PPP4R1: variants seen among roughly 807,000 people sequenced by gnomAD.
PPP4R1 encodes protein phosphatase 4 regulatory subunit 1, also known as serine/threonine-protein phosphatase 4 regulatory subunit 1.
Under a neutral mutation model 111.2 loss-of-function variants are expected in PPP4R1, and 42 were observed. The ratio of observed to expected loss-of-function variants is 0.38; its 90% CI spans 0.29 to 0.49. The LOEUF (loss-of-function observed/expected upper bound fraction) is 0.49, where lower values mean the gene tolerates loss of function less well. Among genes scored for constraint, PPP4R1 ranks in the 20% least tolerant of loss-of-function variants. The pLI is 0.97. For synonymous variants in PPP4R1, 409 were observed against 405.5 expected, an observed-to-expected ratio of 1.01 and a Z score of -0.10; for missense variants, 1,012 against 1,161.6, an observed-to-expected ratio of 0.87 and a Z score of 1.87.
chr18:9,547,660 C>A lies in PPP4R1; in HGVS notation c.*129G>T. ...TGGTATTGGGTGTAGGCAACTTGCA[C>A]CTGCAATGAAGTCCGCAGGAGAGGA... On this transcript the variant is annotated 3_prime_UTR_variant, in exon 20 of 20. Transcript: ENST00000400556. 1 of 1,146,600 alleles carries A rather than the reference C, an allele frequency of 8.7e-7. No homozygotes were observed. Among genetic ancestry groups the A allele is most frequent in the East Asian group, 2.4e-5 (1 of 42,264 alleles). The allele number at this position is 1,146,600 out of a possible 1,614,324, so 71.0% of individuals were successfully genotyped here.
intron 2 of PPP4R1, among the ~76,000 whole-genome samples, chr18:9,595,934 T>G (rs1198950408): frequency 6.6e-6 from 1 of 152,194 alleles, no homozygotes; most frequent in Non-Finnish European, 1.5e-5. Flanking sequence ...GCCCACTGAA[T>G]TTGGTACTTT....
chr18:9,590,555 A>G (rs2067193865), intron 4 of PPP4R1, among the ~76,000 whole-genome samples: 1 of 152,220 alleles, frequency 6.6e-6, no homozygotes, highest in Non-Finnish European at 1.5e-5. Context: ...AGCCCCGCTT[A>G]GGCAAATAGA....
intron 13 of PPP4R1, among the ~76,000 whole-genome samples, chr18:9,561,426 G>A (rs2066675389): frequency 1.3e-5 from 2 of 152,024 alleles, no homozygotes; most frequent in African/African-American, 4.8e-5. Context: ...GAAGGTGAAG[G>A]AGTCCTGGTG....
chr18:9,549,322 T>C lies in PPP4R1; in HGVS notation c.2564A>G (p.Asp855Gly), dbSNP rs778314934. The change falls in exon 19 of 20, where the codon GAC (aspartate) becomes GGC (glycine). Residue 855 changes from aspartate (D) to glycine (G), a missense_variant. This residue lies in a region of PPP4R1 where 305 missense variants were observed against 419.5 expected (regional missense o/e 0.73). Coordinates refer to ENST00000400556, the MANE Select transcript of PPP4R1 (RefSeq NM_001042388.3). ...AGCAAACTGGTCCATGGGAAGGCAG[T>C]CATCCTCAATGACAGTCTGGGGAAG... ...VFVCQTVIED[D>G]CLPMDQFAVH... 10 of 1,608,102 alleles carry C rather than the reference T, an allele frequency of 6.2e-6. No homozygotes were observed. Among genetic ancestry groups the C allele is most frequent in the South Asian group, 1.1e-5 (1 of 90,984 alleles).
rs573801054 is a variant in PPP4R1, at chr18:9,591,948, TC to T, written c.295+1819del. On this transcript the variant is annotated intron_variant, in intron 4 of 19. Coordinates refer to ENST00000400556, the MANE Select transcript of PPP4R1 (RefSeq NM_001042388.3). ...TGGGTGTAGTGGCACATGCCTGTAA[TC>T]CCAGTTATTCGAGAGGCTGAGGCAG... Among the ~76,000 whole-genome samples, 56 of 152,216 alleles carry T rather than the reference TC, an allele frequency of 3.7e-4. No individual in the cohort carries two copies. In the East Asian group the frequency reaches 0.011, roughly 29 times the overall value.
chr18:9,591,089 T>A (rs2067203227), intron 4 of PPP4R1, among the ~76,000 whole-genome samples: 1 of 152,150 alleles, frequency 6.6e-6, no homozygotes, highest in African/African-American at 2.4e-5. Flanking sequence ...GGCTCATGTC[T>A]GTAATACCAG....
chr18:9,609,577 A>G (rs939331856), intron 2 of PPP4R1, among the ~76,000 whole-genome samples: 2 of 152,228 alleles, frequency 1.3e-5, no homozygotes, highest in Non-Finnish European at 2.9e-5. Context: ...AAATATGAAA[A>G]AAGTCTGTTG....
chr18:9,559,489 G>A lies in PPP4R1; in HGVS notation c.1958C>T (p.Ala653Val), dbSNP rs1319170486. The change falls in exon 14 of 20, where the codon GCC becomes GTC. Residue 653 changes from alanine (A) to valine (V), a missense_variant. Physicochemically the swap from Ala to Val is moderately conservative, Grantham distance 64 (BLOSUM62 0). This residue lies in a region of PPP4R1 where 305 missense variants were observed against 419.5 expected (regional missense o/e 0.73). Transcript: ENST00000400556. ...CCAATTCTGTCTTCCGAGTGTCAAG[G>A]CCACACCAGGGAGGCTATATGCACA... ...KHCAYSLPGV[A>V]LTLGRQNWHC... The A allele has an allele frequency of 3.1e-6, 5 of 1,613,856 alleles. No individual in the cohort carries two copies. The highest frequency in any genetic ancestry group is 4.2e-6 in the Non-Finnish European group (5 of 1,179,842).
chr18:9,603,267 A>G (rs185601352), intron 2 of PPP4R1, among the ~76,000 whole-genome samples: 1 of 114,690 alleles, frequency 8.7e-6, no homozygotes, highest in East Asian at 2.1e-4. Flanking sequence ...AGCTCTTAAA[A>G]TGAAAAGTAG....
intron 4 of PPP4R1, among the ~76,000 whole-genome samples, chr18:9,590,681 A>G (rs1598941294): frequency 6.6e-6 from 1 of 152,092 alleles, no homozygotes; most frequent in East Asian, 1.9e-4. Flanking sequence ...TCAACTGGCT[A>G]CTCACATTAA....
intron 11 of PPP4R1, among the ~76,000 whole-genome samples, chr18:9,565,585 A>G (rs2066751422): frequency 6.6e-6 from 1 of 152,254 alleles, no homozygotes; most frequent in African/African-American, 2.4e-5. Flanking sequence ...CACAAAGAAG[A>G]AGGAACAACA....
intron 19 of PPP4R1, among the ~76,000 whole-genome samples, chr18:9,548,963 T>C (rs1366104499): frequency 6.6e-6 from 1 of 152,200 alleles, no homozygotes; most frequent in African/African-American, 2.4e-5. Context: ...ATGATAAAAA[T>C]GATACATGCT....
rs776778577 is a variant in PPP4R1 at position 9,549,222 on chromosome 18, T to C, written c.2664A>G (p.Thr888=). 5 of 1,614,014 alleles carry C rather than the reference T, an allele frequency of 3.1e-6. No homozygotes were observed. The highest frequency in any genetic ancestry group is 1.3e-5 in the African/African-American group (1 of 75,060). ...VPNVRVLLAK[T]LRQTLLEKDY... ...CTTTTTCTAGTAGAGTTTGTCTTAA[T>C]GTCTTTGCAAGCAGCACTCGCACGT... Residue 888 remains threonine, a synonymous_variant, in exon 19 of 20, where the codon ACA becomes ACG. Transcript: ENST00000400556.
chr18:9,549,871 C>G (rs2066460917), intron 18 of PPP4R1, 181 bp downstream of exon 18: 1 of 870,418 alleles, frequency 1.1e-6, no homozygotes, highest in African/African-American at 1.7e-5. Context: ...GCTTGGCTAG[C>G]TGGGAGAGAG....
At chr18:9,564,744 A>G (rs1199901126) in intron 11 of PPP4R1, among the ~76,000 whole-genome samples, 1 of 120,174 alleles carries the variant, frequency 8.3e-6, no homozygotes, top group East Asian at 3.0e-4. Context: ...GTGTGGGGGT[A>G]TCATCCCCCA....
intron 14 of PPP4R1, among the ~76,000 whole-genome samples, chr18:9,558,677 T>C (rs1318615287): frequency 1.4e-5 from 2 of 146,564 alleles, no homozygotes; most frequent in African/African-American, 5.0e-5. Context: ...CACATTTCAG[T>C]ACAAATTAGC....
intron 14 of PPP4R1, among the ~76,000 whole-genome samples, chr18:9,558,297 C>T (rs1342641876): frequency 6.6e-6 from 1 of 152,150 alleles, no homozygotes; most frequent in Non-Finnish European, 1.5e-5. Flanking sequence ...AGAGAAGAAA[C>T]TGCCCATCCA....
chr18:9,574,483 A>G (rs1237089916), intron 10 of PPP4R1, among the ~76,000 whole-genome samples: 1 of 152,228 alleles, frequency 6.6e-6, no homozygotes, highest in Admixed American at 6.5e-5. Flanking sequence ...ATTTGTGCTA[A>G]TAATTTTTTT....
chr18:9,615,721 C>G (rs918690106), upstream of PPP4R1, among the ~76,000 whole-genome samples: 1 of 152,172 alleles, frequency 6.6e-6, no homozygotes, highest in African/African-American at 2.4e-5. Flanking sequence ...GCCACTTTGG[C>G]GATGTGGTCT....
Sources: allele counts gnomAD v4.1 joint callset (sites outside exome capture counted in the v4.1 genomes callset), GRCh38; gene constraint gnomAD v4.1.1; regional missense constraint gnomAD v4.1.1; transcripts MANE v1.5; gene names NCBI Gene and HGNC (gene_info 2026-07-23, HGNC 2026-07-21).